The following ANO1 variants were observed in gnomAD, a reference collection of about 807,000 sequenced individuals.
The protein encoded by ANO1 is anoctamin-1.
Under a neutral mutation model 124.0 loss-of-function variants are expected in ANO1, and 59 were observed. That is an observed-to-expected ratio of 0.48 (90% CI 0.39 to 0.59). ANO1 has a LOEUF of 0.59. ANO1 is among the 20% of genes least tolerant of loss of function. ANO1 has a pLI of 0.00. For synonymous variants in ANO1, 529 were observed against 532.0 expected, an observed-to-expected ratio of 0.99 and a Z score of 0.08; for missense variants, 1,059 against 1,328.0, an observed-to-expected ratio of 0.80 and a Z score of 3.15.
chr11:69,968,971 C>A, the ANO1 span, among the ~76,000 whole-genome samples: 8 of 152,220 alleles, frequency 5.3e-5, no homozygotes, highest in South Asian at 4.1e-4. Context: ...TTGTCACTAA[C>A]CTCTAGGTTC....
chr11:70,042,555 G>C (rs966885099), intron 1 of ANO1, among the ~76,000 whole-genome samples: 36 of 152,162 alleles, frequency 2.4e-4, no homozygotes, highest in East Asian at 2.1e-3. Context: ...GATTGAGAGA[G>C]AGAGAGAGAG....
chr11:70,127,455 AGG>A (rs2046569103), intron 10 of ANO1, among the ~76,000 whole-genome samples: 1 of 152,234 alleles, frequency 6.6e-6, no homozygotes, highest in Non-Finnish European at 1.5e-5. Flanking sequence ...GTCAGACGTC[AGG>A]GAGCTCGGAA....
intron 1 of ANO1, among the ~76,000 whole-genome samples, chr11:70,052,531 C>CTTTTTTTTTTTTTTTTTTTTTT (rs200770702): frequency 1.7e-4 from 11 of 65,916 alleles, no homozygotes; most frequent in African/African-American, 3.9e-4. Context: ...TTTTTCTTTT[C>CTTTTTTTTTTTTTTTTTTTTTT]TTTTTTTTTT....
chr11:70,020,211 T>G (rs1053423495), intron 1 of ANO1, among the ~76,000 whole-genome samples: 2 of 152,336 alleles, frequency 1.3e-5, no homozygotes, highest in East Asian at 3.9e-4. Flanking sequence ...TGAGCACATG[T>G]GTCTGATAGC....
At chr11:70,095,552 G>A (rs542429936) in intron 2 of ANO1, among the ~76,000 whole-genome samples, 11 of 152,384 alleles carry the variant, frequency 7.2e-5, no homozygotes, top group Admixed American at 1.3e-4. Flanking sequence ...CTGCTGGGGT[G>A]AAATCTTTGC....
At chr11:70,042,474 A>T (rs1240605901) in intron 1 of ANO1, among the ~76,000 whole-genome samples, 5 of 151,450 alleles carry the variant, frequency 3.3e-5, no homozygotes, top group Admixed American at 2.6e-4. Flanking sequence ...GCATTCATGC[A>T]TGCGTGCGTA....
chr11:70,103,439 C>T (rs1232774521), intron 3 of ANO1, among the ~76,000 whole-genome samples: 1 of 152,130 alleles, frequency 6.6e-6, no homozygotes, highest in African/African-American at 2.4e-5. Flanking sequence ...AAAAGCCCAC[C>T]TCTCGGCCCC....
rs150829470 is a variant in ANO1 at position 70,107,128 on chromosome 11, G to A, written c.748-1225G>A. On this transcript the variant is annotated intron_variant, in intron 5 of 25. Coordinates refer to ENST00000355303, the MANE Select transcript of ANO1 (RefSeq NM_018043.7). ...CAGGAGAATCAGCAAGGTCAGAACC[G>A]ATTAGATCTGAGGGATGATGGGGAG... Among the ~76,000 whole-genome samples the A allele has an allele frequency of 7.9e-4, 121 of 152,298 alleles. No homozygotes were observed. The East Asian group carries it at 0.022, about 28-fold the overall frequency.
intron 19 of ANO1, among the ~76,000 whole-genome samples, chr11:70,164,284 G>A (rs1445328813): frequency 6.6e-6 from 1 of 152,196 alleles, no homozygotes; most frequent in African/African-American, 2.4e-5. Flanking sequence ...AAAAGACCCT[G>A]TGGAATAAGA....
intron 7 of ANO1, among the ~76,000 whole-genome samples, chr11:70,113,205 C>G (rs991396575): frequency 3.3e-5 from 5 of 151,512 alleles, no homozygotes; most frequent in African/African-American, 1.2e-4. Context: ...GCTTCTTCCT[C>G]CCTTCTCTGG....
intron 22 of ANO1, among the ~76,000 whole-genome samples, chr11:70,173,748 C>T (rs1322761339): frequency 6.6e-6 from 1 of 152,114 alleles, no homozygotes; most frequent in Admixed American, 6.5e-5. Context: ...TCATTTCACA[C>T]TTTAAAGTGA....
chr11:70,165,339 G>A (rs2048212190), intron 19 of ANO1, 131 bp from the exon 20 acceptor site: 2 of 724,666 alleles, frequency 2.8e-6, no homozygotes, highest in East Asian at 2.7e-5. Flanking sequence ...CAGGTGGCGG[G>A]GATTAGAACC....
At chr11:70,028,091 G>A (rs917204611) in intron 1 of ANO1, among the ~76,000 whole-genome samples, 33 of 152,196 alleles carry the variant, frequency 2.2e-4, no homozygotes, top group African/African-American at 7.5e-4. Context: ...AGAAGAAATA[G>A]ATCCGAATAA....
At chr11:69,980,563 G>A in the ANO1 span, among the ~76,000 whole-genome samples, 1 of 151,954 alleles carries the variant, frequency 6.6e-6, no homozygotes, top group South Asian at 2.1e-4. Flanking sequence ...AGAGCTTGCA[G>A]TGAGCTGAGA....
At chr11:69,976,357 A>C in the ANO1 span, among the ~76,000 whole-genome samples, 6 of 152,088 alleles carry the variant, frequency 3.9e-5, no homozygotes, top group East Asian at 1.2e-3. Flanking sequence ...AATACAAAAA[A>C]TTAGCGGTGC....
intron 1 of ANO1, among the ~76,000 whole-genome samples, chr11:70,065,680 C>A (rs1027480099): frequency 3.3e-5 from 5 of 152,142 alleles, no homozygotes; most frequent in South Asian, 2.1e-4. Context: ...CTGCCCTTGT[C>A]CCCCGTCGTC....
intron 1 of ANO1, among the ~76,000 whole-genome samples, chr11:70,021,821 A>T (rs4980581): frequency 3.3e-5 from 5 of 152,206 alleles, no homozygotes; most frequent in East Asian, 1.9e-4. Flanking sequence ...GAGCCCCTTC[A>T]CATCCCACTG....
chr11:70,085,530 GC>G (rs904517128), intron 1 of ANO1: 33 of 1,535,960 alleles, frequency 2.1e-5, no homozygotes, highest in Non-Finnish European at 2.8e-5. Flanking sequence ...TGCTGACCAG[GC>G]CCTCCCAGGT....
rs1856427026 is a variant in ANO1 at position 70,003,603 on chromosome 11, ATGGATGGATG to A, written c.58+17438_58+17447del. Among the ~76,000 whole-genome samples, 23 of 74,526 alleles carry A rather than the reference ATGGATGGATG, an allele frequency of 3.1e-4. No homozygotes were observed. The Admixed American group carries it at 3.8e-3, about 12-fold the overall frequency. 48.9% of individuals were successfully genotyped at this position (74,526 alleles called of 152,430 possible). A position where few individuals can be genotyped will look rare whatever the true frequency, so the allele number is the denominator to read the frequency against. On this transcript the variant is annotated intron_variant, in intron 1 of 27. Transcript: ENST00000531349. The stretch of plus-strand genomic sequence containing the variant: ...TGTTGGTGGATGGATGGGTGGATGG[ATGGATGGATG>A]GATGGATGGATGGATGGATGGATGG...
Sources: allele counts gnomAD v4.1 joint callset (sites outside exome capture counted in the v4.1 genomes callset), GRCh38; gene constraint gnomAD v4.1.1; transcripts MANE v1.5; gene names NCBI Gene and HGNC (gene_info 2026-07-23, HGNC 2026-07-21).